The following FAT1 variants were observed in gnomAD, a reference collection of about 807,000 sequenced individuals.
FAT1 encodes the protein protocadherin Fat 1.
In FAT1, 171 loss-of-function variants were observed where a neutral mutation model predicts 329.8. The ratio of observed to expected loss-of-function variants is 0.52; its 90% confidence interval spans 0.46 to 0.59. The LOEUF is 0.59. Among genes scored for constraint, FAT1 ranks in the 20% least tolerant of loss-of-function variants. The pLI is 0.00. For missense variants in FAT1, 5,672 were observed against 5,774.4 expected (o/e 0.98, Z 0.57); for synonymous variants, 2,233 against 2,228.6 (o/e 1.00, Z -0.06).
intron 7 of FAT1, among the ~76,000 whole-genome samples, chr4:186,631,610 C>G (rs1579356172): frequency 6.6e-6 from 1 of 151,338 alleles, no homozygotes. Context: ...TAGTGTCTCA[C>G]CTCCCAGCTG....
intron 1 of FAT1, among the ~76,000 whole-genome samples, chr4:186,721,439 G>C (rs1745465658): frequency 6.6e-6 from 1 of 152,188 alleles, no homozygotes; most frequent in Non-Finnish European, 1.5e-5. Flanking sequence ...AATTAAGTGA[G>C]ACCAAAAGAT....
chr4:186,611,562 T>C lies in FAT1; in HGVS notation c.9677A>G (p.Asn3226Ser), dbSNP rs1579316939. The change falls in exon 14 of 27, where the codon AAC becomes AGC. Residue 3226 changes from asparagine (N) to serine (S), a missense_variant. Transcript: ENST00000441802. ...TTCACGGTACTCAAACACAGGGGGG[T>C]TGTCATTTATGTCAAGAACTGATAC... ...VIVSVLDIND[N>S]PPVFEYREYG... 1 of 1,613,508 alleles carries C rather than the reference T, an allele frequency of 6.2e-7. No individual in the cohort carries two copies. The highest frequency in any genetic ancestry group is 1.7e-5 in the Admixed American group (1 of 59,980).
At chr4:186,652,925 A>G (rs973187237) in intron 3 of FAT1, among the ~76,000 whole-genome samples, 2 of 152,234 alleles carry the variant, frequency 1.3e-5, no homozygotes, top group African/African-American at 2.4e-5. Context: ...TACCACACAT[A>G]AACTATACAT....
chr4:186,655,438 TGA>T (rs1741857377), intron 3 of FAT1, among the ~76,000 whole-genome samples: 1 of 94,830 alleles, frequency 1.1e-5, no homozygotes, highest in African/African-American at 6.7e-5. Context: ...CACAATAAGG[TGA>T]TTTTTTTTTT....
intron 2 of FAT1, among the ~76,000 whole-genome samples, chr4:186,702,355 T>A (rs754820984): frequency 3.3e-5 from 5 of 152,136 alleles, no homozygotes; most frequent in Non-Finnish European, 7.4e-5. Context: ...TGTTTAGAGA[T>A]CTGCTCTTAT....
rs1739127562 is a variant in FAT1 at position 186,606,198 on chromosome 4, G to A, written c.10222C>T (p.Leu3408Phe). Residue 3408 changes from leucine (L) to phenylalanine (F), a missense_variant, in exon 17 of 27, where the codon CTC becomes TTC. Coordinates refer to ENST00000441802, the MANE Select transcript of FAT1 (RefSeq NM_005245.4). ...LDRETISGYT[L>F]TVQASDNGSP... ...CCATTATCAGAAGCTTGAACCGTGA[G>A]CGTGTAACCTGAAATCTTTTCAGGC... 1.2e-6 allele frequency: 2 copies of A among 1,612,562 alleles called. No homozygotes were observed. The highest frequency in any genetic ancestry group is 1.7e-6 in the Non-Finnish European group (2 of 1,179,624).
intron 1 of FAT1, among the ~76,000 whole-genome samples, chr4:186,719,928 A>G (rs1368895168): frequency 6.6e-6 from 1 of 152,166 alleles, no homozygotes; most frequent in Non-Finnish European, 1.5e-5. Flanking sequence ...CTTCTTTGTG[A>G]TATTATTCTT....
intron 2 of FAT1, among the ~76,000 whole-genome samples, chr4:186,665,536 G>A (rs1426030284): frequency 3.3e-5 from 5 of 152,102 alleles, no homozygotes; most frequent in Admixed American, 1.3e-4. Context: ...ACTTTTTGAT[G>A]GGGTTGTTTT....
rs772854140 is a variant in FAT1 at position 186,621,688 on chromosome 4, T to C, written c.4898A>G (p.Tyr1633Cys). Residue 1633 changes from tyrosine to cysteine, a missense_variant, in exon 10 of 27, where the codon TAT (tyrosine) becomes TGT (cysteine). Transcript: ENST00000441802. ...ATCTGTAGCTTTTACCATTAAATCATACTCCGCTTGGTTACTTCGATCTAA... is the reference window on the plus strand; with the variant it reads ...ATCTGTAGCTTTTACCATTAAATCACACTCCGCTTGGTTACTTCGATCTAA... Reference protein sequence around the residue: ...KELDRSNQAEYDLMVKATDKG... With the variant: ...KELDRSNQAECDLMVKATDKG... The C allele has an allele frequency of 1.5e-5, 24 of 1,613,800 alleles. No individual in the cohort carries two copies. The highest frequency in any genetic ancestry group is 6.7e-5 in the African/African-American group (5 of 74,930).
intron 10 of FAT1, 54 bp downstream of exon 10, chr4:186,617,654 G>T: frequency 7.1e-7 from 1 of 1,407,836 alleles, no homozygotes; most frequent in Non-Finnish European, 9.6e-7. Flanking sequence ...TATACTTTAT[G>T]CTTCTAAAAA....
At position 186,628,567 on chromosome 4, in the gene FAT1, A is replaced by G; in HGVS notation, c.4520T>C (p.Leu1507Pro). The part of the protein sequence containing the change: ...RDPLSLKKFR[L>P]DPATGSLYTS... ...ATAGAGAGAGCCGGTTGCAGGATCA[A>G]GACGAAATTTCTTGAGACTCAGTGG... The change falls in exon 8 of 27, where the codon CTT (leucine) becomes CCT (proline). Residue 1507 changes from leucine (L) to proline (P), a missense_variant. This residue lies in a region of FAT1 where 3,966 missense variants were observed against 3,915.2 expected (regional missense o/e 1.01). Transcript: ENST00000441802. 1 of 1,614,038 alleles carries G rather than the reference A, an allele frequency of 6.2e-7. No individual in the cohort carries two copies. Among genetic ancestry groups the G allele is most frequent in the Non-Finnish European group, 8.5e-7 (1 of 1,179,906 alleles).
At chr4:186,637,014 A>AT in intron 4 of FAT1, 100 bp from the exon 5 acceptor site, 2 of 1,077,290 alleles carry the variant, frequency 1.9e-6, no homozygotes, top group Non-Finnish European at 2.6e-6. Flanking sequence ...AAAGCTCTGC[A>AT]TTTTGCAGGG....
chr4:186,688,744 C>T (rs1743608185), intron 2 of FAT1, among the ~76,000 whole-genome samples: 1 of 145,466 alleles, frequency 6.9e-6, no homozygotes, highest in African/African-American at 2.5e-5. Context: ...ACTTAAGCTT[C>T]AGTCACAACT....
intron 9 of FAT1, among the ~76,000 whole-genome samples, chr4:186,626,433 A>AGAAT (rs748895802): frequency 2.6e-5 from 1 of 38,344 alleles, no homozygotes; most frequent in African/African-American, 1.1e-4. Context: ...ATCAGCCTAC[A>AGAAT]GAATGAATGA....
In FAT1 at chr4:186,588,731, GTGGAGGCGTACACAGACA is replaced by G. The variant is rs1302857233; in HGVS notation, c.13610_13627del (p.Met4537_Ser4542del). The stretch of plus-strand genomic sequence containing the variant: ...GGCTGACACGTCAGAGCAGGAGGCG[GTGGAGGCGTACACAGACA>G]TGGGCATGCTCTCGACAGCGGGCGC... On this transcript the variant is annotated inframe_deletion, in exon 27 of 27. Transcript: ENST00000441802. The G allele has an allele frequency of 5.6e-6, 9 of 1,614,022 alleles. No individual in the cohort carries two copies. The highest frequency in any genetic ancestry group is 6.8e-6 in the Non-Finnish European group (8 of 1,179,900).
At chr4:186,634,832 CA>C in intron 6 of FAT1, among the ~76,000 whole-genome samples, 1 of 152,320 alleles carries the variant, frequency 6.6e-6, no homozygotes, top group East Asian at 1.9e-4. Context: ...AGCAAGCGCG[CA>C]TGGAAAGCAA....
At chr4:186,637,618 T>G (rs1450715549) in intron 4 of FAT1, among the ~76,000 whole-genome samples, 1 of 152,206 alleles carries the variant, frequency 6.6e-6, no homozygotes, top group East Asian at 1.9e-4. Flanking sequence ...CAGAGAGTCT[T>G]GAGGACTGCA....
chr4:186,632,720 C>T (rs572912397), intron 7 of FAT1, among the ~76,000 whole-genome samples: 5 of 152,174 alleles, frequency 3.3e-5, no homozygotes, highest in East Asian at 1.9e-4. Context: ...AAGACATCAC[C>T]GACTATAATT....
rs779701678 is a variant in FAT1 at position 186,707,771 on chromosome 4, T to C, written c.2057A>G (p.Lys686Arg). 37 of 1,613,632 alleles carry C rather than the reference T, an allele frequency of 2.3e-5. No homozygotes were observed. The highest frequency in any genetic ancestry group is 7.7e-5 in the South Asian group (7 of 91,080). The change falls in exon 2 of 27, where the codon AAG (lysine) becomes AGG (arginine). Residue 686 changes from lysine to arginine, a missense_variant. Lys to Arg is a conservative substitution (Grantham distance 26). This residue lies in a region of FAT1 where 3,966 missense variants were observed against 3,915.2 expected (regional missense o/e 1.01). Coordinates refer to ENST00000441802, the MANE Select transcript of FAT1 (RefSeq NM_005245.4). ...GTGTAATTTATTTGCCTGCAGGAGC[T>C]TCTCTGCCAGCATTTTGGCAACACC... ...ETGVAKMLAE[K>R]LLQANKLHNQ...
Sources: gnomAD v4.1 joint callset for allele counts (sites outside exome capture counted in the v4.1 genomes callset) on GRCh38, gnomAD v4.1.1 for gene constraint, gnomAD v4.1.1 regional missense constraint, MANE v1.5 for transcripts, NCBI Gene and HGNC (gene_info 2026-07-23, HGNC 2026-07-21) for gene names.